The following NRG1 variants were observed in gnomAD, a reference collection of about 807,000 sequenced individuals.
NRG1 encodes the protein pro-neuregulin-1, membrane-bound isoform.
Under a neutral mutation model 63.8 loss-of-function variants are expected in NRG1, and 18 were observed. The ratio of observed to expected loss-of-function variants is 0.28; its 90% CI spans 0.19 to 0.42. The LOEUF is 0.42. Among genes scored for constraint, NRG1 ranks in the 10% least tolerant of loss-of-function variants. NRG1 has a pLI of 1.00. For synonymous variants in NRG1, 302 were observed against 301.3 expected (o/e 1.00, Z -0.02); for missense variants, 762 against 814.7 (o/e 0.94, Z 0.79).
chr8:32,730,471 A>G (rs1823354566), intron 6 of NRG1, among the ~76,000 whole-genome samples: 1 of 152,146 alleles, frequency 6.6e-6, no homozygotes, highest in Non-Finnish European at 1.5e-5. Flanking sequence ...TAAATAGAAT[A>G]AAAAATTAAA....
chr8:32,297,709 A>G (rs894522807), intron 1 of NRG1, among the ~76,000 whole-genome samples: 7 of 151,134 alleles, frequency 4.6e-5, no homozygotes, highest in African/African-American at 1.7e-4. Flanking sequence ...TTTATGGCTA[A>G]CAAGCCTATA....
chr8:31,801,498 A>C (rs1396541926), intron 1 of NRG1, among the ~76,000 whole-genome samples: 1 of 152,200 alleles, frequency 6.6e-6, no homozygotes, highest in Non-Finnish European at 1.5e-5. Context: ...TTTAAGAAGC[A>C]GAGCATTTTC....
intron 1 of NRG1, among the ~76,000 whole-genome samples, chr8:31,931,810 C>T (rs1834887979): frequency 6.6e-6 from 1 of 152,164 alleles, no homozygotes. Flanking sequence ...AGCCTTGCTT[C>T]TGCCATTTGC....
chr8:31,859,124 A>T (rs1442462383), intron 1 of NRG1, among the ~76,000 whole-genome samples: 4 of 152,222 alleles, frequency 2.6e-5, no homozygotes, highest in African/African-American at 9.6e-5. Context: ...TTTAAAATTC[A>T]TGATCTAAAA....
At chr8:32,128,324 A>C (rs1834372709) in intron 1 of NRG1, among the ~76,000 whole-genome samples, 1 of 151,894 alleles carries the variant, frequency 6.6e-6, no homozygotes, top group Admixed American at 6.6e-5. Flanking sequence ...TGGCAGTAAA[A>C]TTTTAATTAG....
At chr8:32,378,216 T>TG (rs1382616286) in intron 1 of NRG1, among the ~76,000 whole-genome samples, 3 of 151,974 alleles carry the variant, frequency 2.0e-5, no homozygotes, top group Non-Finnish European at 4.4e-5. Context: ...TGGGGCCCAG[T>TG]GGGAAATGAA....
At chr8:32,264,361 A>T (rs1030220632) in intron 1 of NRG1, among the ~76,000 whole-genome samples, 16 of 152,156 alleles carry the variant, frequency 1.1e-4, no homozygotes, top group African/African-American at 1.2e-4. Flanking sequence ...TTTTCTTTTT[A>T]AAAAAAGAAA....
At chr8:31,887,101 T>C (rs1308716556) in intron 1 of NRG1, among the ~76,000 whole-genome samples, 1 of 152,096 alleles carries the variant, frequency 6.6e-6, no homozygotes, top group Non-Finnish European at 1.5e-5. Flanking sequence ...CAGATTTCTT[T>C]GGCATTTTCC....
chr8:32,699,869 C>T (rs535397227), intron 5 of NRG1, among the ~76,000 whole-genome samples: 2 of 152,234 alleles, frequency 1.3e-5, no homozygotes, highest in East Asian at 3.9e-4. Flanking sequence ...GTACATACCT[C>T]CTTTTCTAGG....
chr8:31,684,943 G>A (rs1319857440), intron 1 of NRG1, among the ~76,000 whole-genome samples: 1 of 152,122 alleles, frequency 6.6e-6, no homozygotes, highest in Non-Finnish European at 1.5e-5. Context: ...AAGGTGATAG[G>A]AGAATATCAC....
At chr8:31,778,660 C>G (rs1450521415) in intron 1 of NRG1, among the ~76,000 whole-genome samples, 1 of 152,188 alleles carries the variant, frequency 6.6e-6, no homozygotes, top group African/African-American at 2.4e-5. Context: ...CTAATGTGTA[C>G]AGATTTGACT....
chr8:32,239,061 G>A (rs1012776078), intron 1 of NRG1, among the ~76,000 whole-genome samples: 3 of 152,132 alleles, frequency 2.0e-5, no homozygotes, highest in East Asian at 1.9e-4. Flanking sequence ...CCAGAAATAA[G>A]CCTCTTAAAC....
intron 1 of NRG1, among the ~76,000 whole-genome samples, chr8:32,253,451 T>G (rs376372626): frequency 6.6e-6 from 1 of 152,198 alleles, no homozygotes; most frequent in Non-Finnish European, 1.5e-5. Context: ...GAGACAATCA[T>G]GTTGTTTTTG....
chr8:32,457,152 A>G (rs1821699755), intron 1 of NRG1, among the ~76,000 whole-genome samples: 1 of 151,848 alleles, frequency 6.6e-6, no homozygotes, highest in Non-Finnish European at 1.5e-5. Flanking sequence ...AAATAAATAA[A>G]TAAATTATAT....
chr8:32,740,660 C>G (rs185925722), intron 6 of NRG1, among the ~76,000 whole-genome samples: 1 of 152,220 alleles, frequency 6.6e-6, no homozygotes, highest in Admixed American at 6.5e-5. Context: ...AGCTTAAACA[C>G]ATACTCACAG....
In NRG1 at chr8:32,431,736, AG is replaced by A. The variant is rs1213843780; in HGVS notation, c.38-164089del. Among the ~76,000 whole-genome samples the A allele has an allele frequency of 1.4e-5, 2 of 143,850 alleles. 1 individual carries two copies. Among genetic ancestry groups the A allele is most frequent in the East Asian group, 4.1e-4 (2 of 4,924 alleles). The allele number at this position is 143,850 out of a possible 152,430, so 94.4% of individuals were successfully genotyped here. A position where few individuals can be genotyped will look rare whatever the true frequency, so the allele number is the denominator to read the frequency against. On this transcript the variant is annotated intron_variant, in intron 1 of 10. Coordinates refer to the NRG1 transcript ENST00000519301. The stretch of plus-strand genomic sequence containing the variant: ...TATTGATAGTCTCTGTCAATCTCTC[AG>A]GGTTTTTTTTTTCTGAGGGAAAAAA...
At chr8:32,562,336 C>A (rs1255336434) in intron 1 of NRG1, among the ~76,000 whole-genome samples, 1 of 152,090 alleles carries the variant, frequency 6.6e-6, no homozygotes, top group South Asian at 2.1e-4. Flanking sequence ...TAGCCTGGGA[C>A]TCCTGGGCTC....
chr8:31,808,798 A>T (rs1287239105), intron 1 of NRG1, among the ~76,000 whole-genome samples: 1 of 152,068 alleles, frequency 6.6e-6, no homozygotes, highest in Non-Finnish European at 1.5e-5. Context: ...CCAGATTGCC[A>T]TCGTTTCATT....
At chr8:32,575,946 A>C (rs1839545847) in intron 1 of NRG1, among the ~76,000 whole-genome samples, 1 of 152,210 alleles carries the variant, frequency 6.6e-6, no homozygotes, top group Non-Finnish European at 1.5e-5. Flanking sequence ...TCTCCAAAAT[A>C]AATGTGTTCC....
Sources: allele counts gnomAD v4.1 joint callset (sites outside exome capture counted in the v4.1 genomes callset), GRCh38; gene constraint gnomAD v4.1.1; transcripts MANE v1.5; gene names NCBI Gene and HGNC (gene_info 2026-07-23, HGNC 2026-07-21).